The following FGF14 variants were observed in gnomAD, a reference collection of about 807,000 sequenced individuals.
FGF14 encodes the protein fibroblast growth factor homologous factor 4.
FGF14 carries 5 observed loss-of-function variants against 25.5 expected under a neutral mutation model. The observed-to-expected ratio is 0.20, with a 90% confidence interval of 0.10 to 0.41. The LOEUF (loss-of-function observed/expected upper bound fraction) is 0.41, where lower values mean the gene tolerates loss of function less well. Among genes scored for constraint, FGF14 ranks in the 10% least tolerant of loss-of-function variants. FGF14 has a pLI of 1.00. For synonymous variants in FGF14, 138 were observed against 118.3 expected, an observed-to-expected ratio of 1.17 and a Z score of -1.08; for missense variants, 222 against 320.1, an observed-to-expected ratio of 0.69 and a Z score of 2.34.
At chr13:102,340,034 C>A (rs908240737) in intron 1 of FGF14, among the ~76,000 whole-genome samples, 4 of 152,126 alleles carry the variant, frequency 2.6e-5, no homozygotes, top group African/African-American at 7.2e-5. Context: ...AAGAGATTAA[C>A]AGAATTTCAA....
Position 102,161,565 on chromosome 13 carries a change from TGAAGAAAGAAAGAAGAA to T in FGF14, c.208+239889_208+239905del, listed in dbSNP as rs2047634532. 3.6e-4 allele frequency among the ~76,000 whole-genome samples: 35 copies of T among 97,988 alleles called. 4 individuals carry two copies. The highest frequency in any genetic ancestry group is 1.0e-3 in the East Asian group (3 of 2,942). 64.3% of individuals were successfully genotyped at this position (97,988 alleles called of 152,430 possible). On this transcript the variant is annotated intron_variant, in intron 1 of 4. Coordinates refer to the FGF14 transcript ENST00000376131. ...TATTCTCTATGCAACCAACTTTCTG[TGAAGAAAGAAAGAAGAA>T]GAAGAAGAAGAAGAAGAAGAAGAAG...
chr13:102,328,953 T>G (rs1356562216), intron 1 of FGF14, among the ~76,000 whole-genome samples: 2 of 152,154 alleles, frequency 1.3e-5, no homozygotes, highest in East Asian at 3.9e-4. Flanking sequence ...CACCATAATG[T>G]CCCTAGGCCT....
intron 1 of FGF14, among the ~76,000 whole-genome samples, chr13:102,053,707 CGTCA>C (rs2042312538): frequency 1.3e-5 from 2 of 152,136 alleles, no homozygotes; most frequent in South Asian, 4.1e-4. Context: ...ACAAAAATTA[CGTCA>C]GTTTCCCAGA....
At chr13:102,261,541 A>T (rs1039501615) in intron 1 of FGF14, among the ~76,000 whole-genome samples, 1 of 152,228 alleles carries the variant, frequency 6.6e-6, no homozygotes, top group Non-Finnish European at 1.5e-5. Context: ...AACCCGTTAT[A>T]CTACCCTCTC....
chr13:102,400,462 G>A lies in FGF14; in HGVS notation c.208+1009C>T, dbSNP rs2058677094. On this transcript the variant is annotated intron_variant, in intron 1 of 4. Transcript: ENST00000376131. The surrounding 1 kb of genome is among the most constrained non-coding windows in gnomAD (Gnocchi z 4.3). The stretch of plus-strand genomic sequence containing the variant: ...GCGGTTCCGGGAAAGGCTGCGCCCA[G>A]CCTCCTCGCCAGCGCCGCCGCCACC... Among the ~76,000 whole-genome samples, 1 of 152,188 alleles carries A rather than the reference G, an allele frequency of 6.6e-6. No individual in the cohort carries two copies. The highest frequency in any genetic ancestry group is 1.5e-5 in the Non-Finnish European group (1 of 68,018).
chr13:101,734,186 T>C (rs2036016794), intron 3 of FGF14, among the ~76,000 whole-genome samples: 1 of 152,178 alleles, frequency 6.6e-6, no homozygotes, highest in Admixed American at 6.5e-5. Context: ...CCCAGGTGAC[T>C]GTATGCACAT....
intron 3 of FGF14, among the ~76,000 whole-genome samples, chr13:101,772,084 C>A (rs1262809407): frequency 1.3e-5 from 2 of 151,958 alleles, no homozygotes; most frequent in Non-Finnish European, 2.9e-5. Context: ...TTCAGGAGGA[C>A]ATTGGGGAGG....
At chr13:101,795,124 G>C (rs965507723) in intron 3 of FGF14, among the ~76,000 whole-genome samples, 2 of 152,112 alleles carry the variant, frequency 1.3e-5, no homozygotes, top group African/African-American at 2.4e-5. Flanking sequence ...AAAAGCGCTT[G>C]TATTAATTAC....
intron 1 of FGF14, among the ~76,000 whole-genome samples, chr13:102,218,624 A>G (rs2050477136): frequency 6.6e-6 from 1 of 151,950 alleles, no homozygotes; most frequent in Non-Finnish European, 1.5e-5. Context: ...TCTATGTTAA[A>G]GGGCCACCAA....
intron 1 of FGF14, among the ~76,000 whole-genome samples, chr13:102,239,077 T>TA (rs35444287): frequency 0.66 from 98,961 of 149,788 alleles, 33,764 homozygotes; most frequent in African/African-American, 0.84. Flanking sequence ...ACTCGCTGGT[T>TA]AAAAAAAAAC....
At chr13:101,923,865 A>T (rs1156240586) in intron 1 of FGF14, among the ~76,000 whole-genome samples, 1 of 152,136 alleles carries the variant, frequency 6.6e-6, no homozygotes, top group African/African-American at 2.4e-5. Flanking sequence ...TTCCTATAGA[A>T]GCAATACCAG....
chr13:101,797,489 T>G (rs527549743), intron 3 of FGF14, among the ~76,000 whole-genome samples: 2 of 152,088 alleles, frequency 1.3e-5, no homozygotes, highest in Non-Finnish European at 2.9e-5. Context: ...AATGGTAGGG[T>G]TGGGCATGAG....
At chr13:102,243,663 T>A (rs1159525303) in intron 1 of FGF14, among the ~76,000 whole-genome samples, 2 of 151,098 alleles carry the variant, frequency 1.3e-5, no homozygotes, top group Non-Finnish European at 3.0e-5. Context: ...ATGTTTTTTT[T>A]TTTTTTTTAC....
chr13:101,802,784 G>A (rs966564009), intron 3 of FGF14, among the ~76,000 whole-genome samples: 1 of 152,216 alleles, frequency 6.6e-6, no homozygotes, highest in Non-Finnish European at 1.5e-5. Flanking sequence ...TTAAAAACAT[G>A]TGTAAGGTGA....
chr13:101,957,200 T>C (rs2036567352), intron 1 of FGF14, among the ~76,000 whole-genome samples: 1 of 152,144 alleles, frequency 6.6e-6, no homozygotes, highest in African/African-American at 2.4e-5. Flanking sequence ...GATATATGAA[T>C]CAACATCCCT....
intron 1 of FGF14, among the ~76,000 whole-genome samples, chr13:102,243,655 G>GTTT (rs3066872): frequency 0.076 from 10,873 of 142,134 alleles, 559 homozygotes; most frequent in East Asian, 0.22. Flanking sequence ...CTTTGGGCAT[G>GTTT]TTTTTTTTTT....
intron 1 of FGF14, among the ~76,000 whole-genome samples, chr13:102,015,901 T>C (rs1445469701): frequency 6.8e-6 from 1 of 146,120 alleles, no homozygotes; most frequent in African/African-American, 2.8e-5. Context: ...AGTTTTGTGC[T>C]ATCTATTAAA....
chr13:102,260,795 C>G (rs573224768), intron 1 of FGF14, among the ~76,000 whole-genome samples: 1 of 152,378 alleles, frequency 6.6e-6, no homozygotes, highest in South Asian at 2.1e-4. Flanking sequence ...TCACCTCCCT[C>G]TTGTGAGACA....
intron 1 of FGF14, among the ~76,000 whole-genome samples, chr13:101,986,566 G>A (rs368952558): frequency 5.9e-5 from 9 of 152,158 alleles, no homozygotes; most frequent in South Asian, 4.1e-4. Context: ...TCAAAGTTGC[G>A]TAGGTCTTGC....
Sources: gnomAD v4.1 joint callset for allele counts (sites outside exome capture counted in the v4.1 genomes callset) on GRCh38, gnomAD v4.1.1 for gene constraint, Gnocchi (gnomAD v3.1) non-coding constraint, MANE v1.5 for transcripts, NCBI Gene and HGNC (gene_info 2026-07-23, HGNC 2026-07-21) for gene names.